The following ADGRB1 variants were observed in gnomAD, a reference collection of about 807,000 sequenced individuals.
The protein encoded by ADGRB1 is adhesion G protein-coupled receptor B1.
Under a neutral mutation model 175.7 loss-of-function variants are expected in ADGRB1, and 36 were observed. That is an observed-to-expected ratio of 0.20 (90% CI 0.16 to 0.27). ADGRB1 has a LOEUF of 0.27. Ranked by LOEUF, ADGRB1 falls within the 10% of genes least tolerant of loss-of-function variation. ADGRB1 has a pLI of 1.00. For missense variants in ADGRB1, 1,731 were observed against 2,255.3 expected (o/e 0.77, Z 4.71); for synonymous variants, 1,054 against 979.4 (o/e 1.08, Z -1.42).
At chr8:142,470,476 C>G (rs573470906) in intron 2 of ADGRB1, among the ~76,000 whole-genome samples, 2 of 151,326 alleles carry the variant, frequency 1.3e-5, no homozygotes, top group Non-Finnish European at 3.0e-5. Context: ...GGAGCCACTC[C>G]TTTTGCACAA....
rs979910781 is a variant in ADGRB1 at position 142,537,566 on chromosome 8, C to G, written c.3666+484C>G. ...TCCCTGGCGCTCCCTGGGTGCTGCCCAGTCCTCAGCCCCTGCAGGGTGACT... is the reference window on the plus strand; with the variant it reads ...TCCCTGGCGCTCCCTGGGTGCTGCCGAGTCCTCAGCCCCTGCAGGGTGACT... On this transcript the variant is annotated intron_variant, in intron 26 of 30. Coordinates refer to ENST00000517894, the MANE Select transcript of ADGRB1 (RefSeq NM_001702.3). The surrounding 1 kb of genome is among the most constrained non-coding windows in gnomAD (Gnocchi z 4.6). 3.9e-5 allele frequency among the ~76,000 whole-genome samples: 6 copies of G among 152,062 alleles called. No homozygotes were observed. The highest frequency in any genetic ancestry group is 1.4e-4 in the African/African-American group (6 of 41,396).
In ADGRB1 at chr8:142,533,019, C is replaced by G. The variant is rs376725773; in HGVS notation, c.3399-276C>G. Among the ~76,000 whole-genome samples the G allele has an allele frequency of 2.0e-3, 308 of 152,208 alleles. 4 individuals carry two copies. In the South Asian group the frequency reaches 0.026, roughly 13 times the overall value. On this transcript the variant is annotated intron_variant, in intron 24 of 30. Coordinates refer to ENST00000517894, the MANE Select transcript of ADGRB1 (RefSeq NM_001702.3). The stretch of plus-strand genomic sequence containing the variant: ...CTCAGTGTTGACGGTGGGCTCCTCC[C>G]CAGCCTGGGGCAAGGGCTTGAGAGG...
intron 16 of ADGRB1, 96 bp from the exon 17 acceptor site, chr8:142,490,676 C>A: frequency 7.2e-7 from 1 of 1,394,982 alleles, no homozygotes; most frequent in Non-Finnish European, 9.9e-7. Flanking sequence ...AGGTAGCATG[C>A]CTGGTAGCAC....
At chr8:142,530,913 C>T (rs146349567) in intron 24 of ADGRB1, among the ~76,000 whole-genome samples, 8 of 152,342 alleles carry the variant, frequency 5.3e-5, no homozygotes, top group South Asian at 2.1e-4. Context: ...TCCTTCCCAC[C>T]GCTCTCTGCA....
At chr8:142,460,462 G>C (rs990602738) in intron 1 of ADGRB1, among the ~76,000 whole-genome samples, 1 of 152,238 alleles carries the variant, frequency 6.6e-6, no homozygotes, top group Non-Finnish European at 1.5e-5. Flanking sequence ...AGGCCTGGGC[G>C]GGGAGCAGCT....
chr8:142,532,345 CA>C (rs1231133714), intron 24 of ADGRB1, among the ~76,000 whole-genome samples: 2 of 152,210 alleles, frequency 1.3e-5, no homozygotes, highest in Non-Finnish European at 2.9e-5. Flanking sequence ...AGCACAGGCT[CA>C]GAGGCCACGC....
At chr8:142,517,047 A>G (rs998293044) in intron 18 of ADGRB1, among the ~76,000 whole-genome samples, 1 of 152,114 alleles carries the variant, frequency 6.6e-6, no homozygotes, top group African/African-American at 2.4e-5. Context: ...AGCTGAGTGC[A>G]GTGGCCAGAG....
chr8:142,542,431 C>T lies in ADGRB1; in HGVS notation c.4197C>T (p.Pro1399=). 1 of 1,511,936 alleles carries T rather than the reference C, an allele frequency of 6.6e-7. No homozygotes were observed. Among genetic ancestry groups the T allele is most frequent in the South Asian group, 1.2e-5 (1 of 81,386 alleles). The allele number at this position is 1,511,936 out of a possible 1,614,324, so 93.7% of individuals were successfully genotyped here. ...PARSPPSRQP[P]SGGPPEAPPA... is the part of the protein sequence containing the mutation. ...GCAGCCCGCCCTCCCGCCAGCCCCC[C>T]AGCGGCGGGCCCCCCGAGGCACCCC... The change falls in exon 28 of 31, where the codon CCC becomes CCT. Residue 1399 remains proline (P), a synonymous_variant. Coordinates refer to ENST00000517894, the MANE Select transcript of ADGRB1 (RefSeq NM_001702.3). The surrounding 1 kb of genome is among the most constrained non-coding windows in gnomAD (Gnocchi z 6.3).
chr8:142,513,223 C>T (rs1389260131), intron 18 of ADGRB1, among the ~76,000 whole-genome samples: 9 of 152,182 alleles, frequency 5.9e-5, no homozygotes, highest in Non-Finnish European at 4.4e-5. Flanking sequence ...CTGGGAGCCT[C>T]AGTGTCCTCA....
At chr8:142,535,325 A>T (rs1450686278) in intron 25 of ADGRB1, among the ~76,000 whole-genome samples, 1 of 152,048 alleles carries the variant, frequency 6.6e-6, no homozygotes, top group African/African-American at 2.4e-5. Flanking sequence ...TGGTTGGCAA[A>T]TGGGGTCAGG....
chr8:142,529,163 C>A (rs894743755), intron 24 of ADGRB1, among the ~76,000 whole-genome samples: 1 of 149,886 alleles, frequency 6.7e-6, no homozygotes, highest in East Asian at 2.1e-4. Context: ...CCTGTGAGTG[C>A]ACATGAGCAC....
rs745855945 is a variant in ADGRB1, at chr8:142,542,263, G to C, written c.4029G>C (p.Thr1343=). 17 of 1,613,458 alleles carry C rather than the reference G, an allele frequency of 1.1e-5. No homozygotes were observed. Among genetic ancestry groups the C allele is most frequent in the Non-Finnish European group, 1.4e-5 (17 of 1,179,836 alleles). Residue 1343 remains threonine, a synonymous_variant, in exon 28 of 31, where the codon ACG becomes ACC. Transcript: ENST00000517894. This position sits in a 1 kb window ranked among gnomAD's most constrained non-coding sequence, Gnocchi z 6.3. ...LSRAQEKALD[T]SYVILPTATA... The stretch of plus-strand genomic sequence containing the variant: ...GGGCCCAGGAGAAGGCTCTGGACAC[G>C]AGCTACGTGATCCTGCCCACGGCCA...
chr8:142,493,805 C>T lies in ADGRB1; in HGVS notation c.2675+2990C>T, dbSNP rs558297290. ...GGCAGGGAAGGACTGGGACTGACCT[C>T]GGTCCCCTTCCTTCTGCCCCTCACC... On this transcript the variant is annotated intron_variant, in intron 17 of 30. Transcript: ENST00000517894. This position sits in a 1 kb window ranked among gnomAD's most constrained non-coding sequence, Gnocchi z 5.0. Among the ~76,000 whole-genome samples the T allele has an allele frequency of 1.1e-4, 16 of 152,334 alleles. No homozygotes were observed. Among genetic ancestry groups the T allele is most frequent in the African/African-American group, 2.2e-4 (9 of 41,574 alleles).
intron 1 of ADGRB1, among the ~76,000 whole-genome samples, chr8:142,452,119 C>T (rs1587228781): frequency 6.6e-6 from 1 of 152,312 alleles, no homozygotes; most frequent in Non-Finnish European, 1.5e-5. Flanking sequence ...TCGGGGATCC[C>T]GGAGCGCCCG....
At chr8:142,460,336 G>C (rs1839909768) in intron 1 of ADGRB1, among the ~76,000 whole-genome samples, 1 of 152,224 alleles carries the variant, frequency 6.6e-6, no homozygotes, top group African/African-American at 2.4e-5. Context: ...CAACGGCCTG[G>C]GCTCCTGCCC....
chr8:142,527,157 C>A (rs1315633837), intron 24 of ADGRB1, among the ~76,000 whole-genome samples: 1 of 152,216 alleles, frequency 6.6e-6, no homozygotes, highest in Non-Finnish European at 1.5e-5. Flanking sequence ...GGACAGGGTG[C>A]TGGAGCAAGA....
In ADGRB1 at chr8:142,543,374, G is replaced by C. The variant is rs759338013; in HGVS notation, c.4414-29G>C. 3 of 1,613,244 alleles carry C rather than the reference G, an allele frequency of 1.9e-6. No individual in the cohort carries two copies. Among genetic ancestry groups the C allele is most frequent in the Non-Finnish European group, 1.7e-6 (2 of 1,179,576 alleles). On this transcript the variant is annotated intron_variant, in intron 28 of 30. Transcript: ENST00000517894. The surrounding 1 kb of genome is among the most constrained non-coding windows in gnomAD (Gnocchi z 4.4). ...CGTGGACTTGTCAGGGACCCTTGGCGAATGTTCGCAAACCCCTTCTCCCTG... is the reference window on the plus strand; with the variant it reads ...CGTGGACTTGTCAGGGACCCTTGGCCAATGTTCGCAAACCCCTTCTCCCTG...
Position 142,542,504 on chromosome 8 carries a change from C to T in ADGRB1, c.4270C>T (p.Gln1424Ter). The stretch of plus-strand genomic sequence containing the variant: ...GCCCCCACCGCCACCACCTCCCCAG[C>T]AGCCCCTGCCCCCACCGCCCAATCT... ...PPPPPPPPPQ[Q>*]PLPPPPNLEP... Residue 1424 changes from glutamine to a stop codon, truncating the protein, a stop_gained, in exon 28 of 31, where the codon CAG (glutamine) becomes TAG (stop). Coordinates refer to ENST00000517894, the MANE Select transcript of ADGRB1 (RefSeq NM_001702.3). LOFTEE classifies it high-confidence loss of function. This position sits in a 1 kb window ranked among gnomAD's most constrained non-coding sequence, Gnocchi z 6.3. 1 of 1,393,258 alleles carries T rather than the reference C, an allele frequency of 7.2e-7. No homozygotes were observed. The highest frequency in any genetic ancestry group is 3.2e-5 in the Admixed American group (1 of 31,624). The allele number at this position is 1,393,258 out of a possible 1,614,324, so 86.3% of individuals were successfully genotyped here. A position where few individuals can be genotyped will look rare whatever the true frequency, so the allele number is the denominator to read the frequency against.
chr8:142,474,443 G>C lies in ADGRB1; in HGVS notation c.785-1031G>C, dbSNP rs924088563. Among the ~76,000 whole-genome samples the C allele has an allele frequency of 6.6e-6, 1 of 152,204 alleles. No individual in the cohort carries two copies. Among genetic ancestry groups the C allele is most frequent in the African/African-American group, 2.4e-5 (1 of 41,446 alleles). On this transcript the variant is annotated intron_variant, in intron 2 of 30. Transcript: ENST00000517894. This position sits in a 1 kb window ranked among gnomAD's most constrained non-coding sequence, Gnocchi z 5.8. ...AAGTCGCCCGACCCTGCTGCACAGG[G>C]TGTACATGAGCCCAGAGTGCTGGGC...
Sources: allele counts gnomAD v4.1 joint callset (sites outside exome capture counted in the v4.1 genomes callset), GRCh38; gene constraint gnomAD v4.1.1; non-coding constraint Gnocchi (gnomAD v3.1); transcripts MANE v1.5; gene names NCBI Gene and HGNC (gene_info 2026-07-23, HGNC 2026-07-21).